The following FOXP1 variants were observed in gnomAD, a reference collection of about 807,000 sequenced individuals.
The protein encoded by FOXP1 is forkhead box protein P1.
A neutral mutation model predicts 98.2 loss-of-function variants in FOXP1; 15 were observed. That is an observed-to-expected ratio of 0.15 (90% CI 0.10 to 0.24). The LOEUF is 0.24. Ranked by LOEUF, FOXP1 falls within the 10% of genes least tolerant of loss-of-function variation. The pLI, the probability that FOXP1 is intolerant of heterozygous loss-of-function variation, is 1.00. For synonymous variants in FOXP1, 371 were observed against 314.5 expected (o/e 1.18, Z -1.90); for missense variants, 633 against 848.5 (o/e 0.75, Z 3.15).
intron 4 of FOXP1, among the ~76,000 whole-genome samples, chr3:71,309,028 A>G (rs1226158968): frequency 6.6e-6 from 1 of 152,104 alleles, no homozygotes; most frequent in African/African-American, 2.4e-5. Flanking sequence ...ACCCACTCTC[A>G]CTCAACTTAC....
At chr3:71,168,307 A>C (rs991457225) in intron 6 of FOXP1, among the ~76,000 whole-genome samples, 1 of 152,078 alleles carries the variant, frequency 6.6e-6, no homozygotes, top group Admixed American at 6.5e-5. Flanking sequence ...AAAAGAAAAA[A>C]AAAACAAAAC....
At chr3:70,987,477 G>C (rs969513977) in intron 14 of FOXP1, among the ~76,000 whole-genome samples, 1 of 152,196 alleles carries the variant, frequency 6.6e-6, no homozygotes, top group East Asian at 1.9e-4. Flanking sequence ...GTAACCATTA[G>C]AGCCTCTCCA....
Position 71,374,435 on chromosome 3 carries a change from A to G in FOXP1, c.-167-15191T>C, listed in dbSNP as rs113914446. Among the ~76,000 whole-genome samples, 578 of 152,268 alleles carry G rather than the reference A, an allele frequency of 3.8e-3. 4 individuals are homozygous for G. Among genetic ancestry groups the G allele is most frequent in the African/African-American group, 0.013 (555 of 41,548 alleles). On this transcript the variant is annotated intron_variant, in intron 3 of 20. Coordinates refer to ENST00000649528, the MANE Select transcript of FOXP1 (RefSeq NM_001349338.3). The stretch of plus-strand genomic sequence containing the variant: ...AAGGTGAAACCAGTTTGTACTAAAA[A>G]TACAAAAATTAGCTGGGTATGGTGG...
chr3:71,499,003 C>T (rs920879958), intron 2 of FOXP1, among the ~76,000 whole-genome samples: 6 of 152,164 alleles, frequency 3.9e-5, no homozygotes, highest in African/African-American at 1.4e-4. Flanking sequence ...ATGGCAGTTA[C>T]CTTGCATAGC....
rs143396272 is a variant in FOXP1 at position 71,237,647 on chromosome 3, T to C, written c.-11-39255A>G. ...AAAGGAGTATCAGGAAGCACAGAGT[T>C]TCCTTGAAATGTTCCTACTGCTTTC... On this transcript the variant is annotated intron_variant, in intron 5 of 20. Coordinates refer to ENST00000649528, the MANE Select transcript of FOXP1 (RefSeq NM_001349338.3). Among the ~76,000 whole-genome samples, 817 of 152,330 alleles carry C rather than the reference T, an allele frequency of 5.4e-3. 10 individuals are homozygous for C. The highest frequency in any genetic ancestry group is 0.019 in the African/African-American group (789 of 41,558).
At chr3:71,047,915 C>A (rs754892287) in intron 9 of FOXP1, among the ~76,000 whole-genome samples, 1 of 152,192 alleles carries the variant, frequency 6.6e-6, no homozygotes, top group Non-Finnish European at 1.5e-5. Context: ...AACATCAATA[C>A]ATCATTCCTG....
At chr3:71,410,217 C>T (rs1057508201) in intron 3 of FOXP1, among the ~76,000 whole-genome samples, 2 of 152,154 alleles carry the variant, frequency 1.3e-5, no homozygotes, top group African/African-American at 4.8e-5. Context: ...CAAAATTGTA[C>T]CTACGAGTTA....
rs570409427 is a variant in FOXP1 at position 71,341,789 on chromosome 3, G to A, written c.-73+17361C>T. Among the ~76,000 whole-genome samples, 7 of 152,326 alleles carry A rather than the reference G, an allele frequency of 4.6e-5. No homozygotes were observed. In the South Asian group the frequency reaches 1.4e-3, roughly 32 times the overall value. On this transcript the variant is annotated intron_variant, in intron 4 of 20. Transcript: ENST00000649528. ...TTAACAGATCCACCAACATATCCTA[G>A]AGCTTGACTCTCCAGTCGTAAGACT...
chr3:70,960,865 G>A (rs1210368885), intron 20 of FOXP1, among the ~76,000 whole-genome samples: 6 of 146,112 alleles, frequency 4.1e-5, no homozygotes, highest in South Asian at 2.2e-4. Flanking sequence ...TTTTTGAGAC[G>A]GAGTCTTGCT....
At chr3:71,221,637 G>T (rs7649879) in intron 5 of FOXP1, among the ~76,000 whole-genome samples, 130,368 of 152,188 alleles carry the variant, frequency 0.86, 55,877 homozygotes, top group East Asian at 0.93. Context: ...ACCGCCTCCC[G>T]CATTTTAGTC....
At chr3:71,306,879 C>T (rs1424625642) in intron 4 of FOXP1, among the ~76,000 whole-genome samples, 4 of 152,012 alleles carry the variant, frequency 2.6e-5, no homozygotes, top group South Asian at 2.1e-4. Context: ...TTCTCCATTT[C>T]GGCAGAAAAT....
intron 4 of FOXP1, among the ~76,000 whole-genome samples, chr3:71,352,951 G>T (rs1372689142): frequency 6.6e-6 from 1 of 152,152 alleles, no homozygotes; most frequent in African/African-American, 2.4e-5. Context: ...CAAAGAAACT[G>T]CCAGGTTTAG....
rs115081016 is a variant in FOXP1 at position 71,103,717 on chromosome 3, C to T, written c.282+8819G>A. ...GTGGGGGGAGGGAAGAAAAGACACA[C>T]CAAAAGAAAAAACAGTAGTTAAAAA... On this transcript the variant is annotated intron_variant, in intron 7 of 20. Coordinates refer to ENST00000649528, the MANE Select transcript of FOXP1 (RefSeq NM_001349338.3). Among the ~76,000 whole-genome samples the T allele has an allele frequency of 5.4e-3, 818 of 152,066 alleles. 3 individuals carry two copies. Among genetic ancestry groups the T allele is most frequent in the African/African-American group, 0.017 (689 of 41,486 alleles).
intron 5 of FOXP1, among the ~76,000 whole-genome samples, chr3:71,223,032 G>A (rs1316068582): frequency 1.3e-5 from 2 of 152,084 alleles, no homozygotes; most frequent in Non-Finnish European, 2.9e-5. Flanking sequence ...TCATCCAGCT[G>A]TCATCATCTT....
In FOXP1 at chr3:71,112,033, C is replaced by T. The variant is rs541095583; in HGVS notation, c.282+503G>A. Among the ~76,000 whole-genome samples, 3 of 144,926 alleles carry T rather than the reference C, an allele frequency of 2.1e-5. No individual in the cohort carries two copies. The South Asian group carries it at 6.5e-4, about 31-fold the overall frequency. ...TGGCAACATCCCTGGCCTGTACTTA[C>T]TGGATGCCAGCAACACCTCTGCCCT... On this transcript the variant is annotated intron_variant, in intron 7 of 20. Transcript: ENST00000649528.
intron 5 of FOXP1, among the ~76,000 whole-genome samples, chr3:71,241,839 C>T (rs1009850586): frequency 6.6e-6 from 1 of 152,024 alleles, no homozygotes; most frequent in Non-Finnish European, 1.5e-5. Flanking sequence ...AAACAAATAC[C>T]CAATTTTGTT....
At chr3:71,074,055 G>C (rs1559875027) in intron 7 of FOXP1, among the ~76,000 whole-genome samples, 1 of 152,200 alleles carries the variant, frequency 6.6e-6, no homozygotes, top group Non-Finnish European at 1.5e-5. Flanking sequence ...GAAAATGAGG[G>C]AAGGCTTGGT....
chr3:71,207,924 C>A (rs565245401), intron 5 of FOXP1, among the ~76,000 whole-genome samples: 1 of 152,108 alleles, frequency 6.6e-6, no homozygotes, highest in African/African-American at 2.4e-5. Context: ...AGAAATGATA[C>A]AAAGCATAAA....
At chr3:70,973,835 G>GCCCCCCCC (rs56950015) in intron 17 of FOXP1, among the ~76,000 whole-genome samples, 7 of 36,692 alleles carry the variant, frequency 1.9e-4, no homozygotes, top group African/African-American at 2.4e-4. Context: ...TTTGCACACC[G>GCCCCCCCC]CCCCCCCCCC....
Sources: allele counts gnomAD v4.1 joint callset (sites outside exome capture counted in the v4.1 genomes callset), GRCh38; gene constraint gnomAD v4.1.1; transcripts MANE v1.5; gene names NCBI Gene and HGNC (gene_info 2026-07-23, HGNC 2026-07-21).